OCIAD1: variants seen among roughly 807,000 people sequenced by gnomAD.
The protein encoded by OCIAD1 is OCIA domain-containing protein 1.
A neutral mutation model predicts 38.9 loss-of-function variants in OCIAD1; 29 were observed. The ratio of observed to expected loss-of-function variants is 0.74; its 90% CI spans 0.55 to 1.02. The LOEUF is 1.02. OCIAD1 is among the 50% of genes least tolerant of loss of function. The pLI, the probability that OCIAD1 is intolerant of heterozygous loss-of-function variation, is 0.00. For missense variants in OCIAD1, 288 were observed against 289.6 expected (o/e 0.99, Z 0.04); for synonymous variants, 110 against 92.0 (o/e 1.20, Z -1.12).
At chr4:48,808,544 C>T (rs562038500) in intron 1 of OCIAD1, among the ~76,000 whole-genome samples, 1 of 152,148 alleles carries the variant, frequency 6.6e-6, no homozygotes, top group Admixed American at 6.5e-5. Flanking sequence ...GGGCTGCTCC[C>T]TTATTAATGG....
intron 8 of OCIAD1, among the ~76,000 whole-genome samples, chr4:48,858,100 A>T (rs553301146): frequency 1.3e-5 from 2 of 152,184 alleles, no homozygotes; most frequent in East Asian, 3.9e-4. Context: ...GTTGCAGTGA[A>T]CCGACATCAC....
intron 1 of OCIAD1, among the ~76,000 whole-genome samples, chr4:48,813,668 A>G (rs374477158): frequency 3.3e-5 from 5 of 152,220 alleles, no homozygotes; most frequent in Admixed American, 6.5e-5. Flanking sequence ...AGGGGAAACA[A>G]ACAAACAAAA....
intron 7 of OCIAD1, 196 bp downstream of exon 7, chr4:48,852,171 T>G (rs1779543446): frequency 6.5e-6 from 3 of 463,404 alleles, no homozygotes; most frequent in Non-Finnish European, 7.6e-6. Context: ...AGGACTCTGC[T>G]AGACGTGGAA....
At chr4:48,818,062 C>T (rs574289079) in intron 1 of OCIAD1, among the ~76,000 whole-genome samples, 60 of 152,304 alleles carry the variant, frequency 3.9e-4, no homozygotes, top group African/African-American at 1.4e-3. Context: ...GCGCAGTGCA[C>T]CAGCTCTTCT....
In OCIAD1 at chr4:48,842,638, G is replaced by A. The variant is rs751000568; in HGVS notation, c.142G>A (p.Val48Met). Residue 48 changes from valine (V) to methionine (M), a missense_variant and splice_region_variant, in exon 4 of 9, where the codon GTG becomes ATG. Physicochemically the swap from Val to Met is conservative, Grantham distance 21 (BLOSUM62 1). Coordinates refer to ENST00000264312, the MANE Select transcript of OCIAD1 (RefSeq NM_017830.4). ...ACAAGGTCTTTTTCTTCCTATAGCT[G>A]TGCCTTTGGCTGCAACAAGTATGTT... ...CNDESFWFRS[V>M]PLAATSMLIT... 14 of 1,567,290 alleles carry A rather than the reference G, an allele frequency of 8.9e-6. No homozygotes were observed. The highest frequency in any genetic ancestry group is 1.1e-5 in the Non-Finnish European group (13 of 1,157,842).
At chr4:48,850,312 A>G (rs550817176) in intron 6 of OCIAD1, among the ~76,000 whole-genome samples, 4 of 152,312 alleles carry the variant, frequency 2.6e-5, no homozygotes, top group Admixed American at 1.3e-4. Context: ...AGGCTGGAGT[A>G]CAATGGCATG....
intron 1 of OCIAD1, among the ~76,000 whole-genome samples, chr4:48,818,534 C>T (rs1299830996): frequency 6.6e-6 from 1 of 152,200 alleles, no homozygotes; most frequent in East Asian, 1.9e-4. Context: ...ATGATCTCTA[C>T]TCCTCTCCAG....
intron 3 of OCIAD1, 82 bp downstream of exon 3, chr4:48,833,563 A>G: frequency 1.2e-6 from 1 of 856,070 alleles, no homozygotes; most frequent in Non-Finnish European, 1.9e-6. Flanking sequence ...CTGAAATTAT[A>G]ATAACTCCGT....
intron 7 of OCIAD1, among the ~76,000 whole-genome samples, chr4:48,852,692 T>G (rs1398124500): frequency 1.3e-5 from 2 of 152,142 alleles, no homozygotes; most frequent in Admixed American, 6.5e-5. Flanking sequence ...CTTAATGAAC[T>G]GTTGGAATTA....
chr4:48,854,257 A>G (rs1246948934), intron 7 of OCIAD1, among the ~76,000 whole-genome samples: 2 of 152,222 alleles, frequency 1.3e-5, no homozygotes, highest in Non-Finnish European at 2.9e-5. Flanking sequence ...ACTAACAGGC[A>G]TGTAGTGTAG....
At chr4:48,819,746 G>GAAAAAAAAA (rs1777175091) in intron 1 of OCIAD1, among the ~76,000 whole-genome samples, 1 of 19,394 alleles carries the variant, frequency 5.2e-5, no homozygotes, top group East Asian at 2.0e-3. Context: ...AAAAAAAAAG[G>GAAAAAAAAA]AGGGGTTGCA....
chr4:48,850,394 G>A (rs970355538), intron 6 of OCIAD1, among the ~76,000 whole-genome samples: 2 of 152,074 alleles, frequency 1.3e-5, no homozygotes, highest in African/African-American at 4.8e-5. Context: ...TGAGTAGCTA[G>A]GAATACAGGT....
At chr4:48,855,728 A>G (rs1460857978) in intron 7 of OCIAD1, among the ~76,000 whole-genome samples, 1 of 152,016 alleles carries the variant, frequency 6.6e-6, no homozygotes, top group Non-Finnish European at 1.5e-5. Flanking sequence ...AGGCAGGACA[A>G]TCACTGGAAC....
intron 4 of OCIAD1, 40 bp downstream of exon 4, chr4:48,842,729 A>G (rs765037752): frequency 2.7e-6 from 3 of 1,112,580 alleles, no homozygotes; most frequent in South Asian, 2.9e-5. Flanking sequence ...CATTTTGGAT[A>G]CCATGTTTGT....
chr4:48,858,628 T>C (rs571612204), intron 8 of OCIAD1, among the ~76,000 whole-genome samples: 1 of 152,164 alleles, frequency 6.6e-6, no homozygotes, highest in South Asian at 2.1e-4. Flanking sequence ...TGTTAAAAAT[T>C]TTTTTTGGTG....
chr4:48,828,154 A>T (rs539143840), upstream of OCIAD1, among the ~76,000 whole-genome samples: 5 of 148,268 alleles, frequency 3.4e-5, no homozygotes, highest in Non-Finnish European at 7.5e-5. Context: ...TCAGCACCCT[A>T]TGTCTAGCTC....
chr4:48,833,499 A>G lies in OCIAD1; in HGVS notation c.139+18A>G, dbSNP rs1380756765. 6.9e-7 allele frequency: 1 copy of G among 1,452,266 alleles called. No individual in the cohort carries two copies. Among genetic ancestry groups the G allele is most frequent in the South Asian group, 1.2e-5 (1 of 82,826 alleles). The allele number at this position is 1,452,266 out of a possible 1,614,324, so 90.0% of individuals were successfully genotyped here. Reference sequence around the variant, plus strand: ...GTTCAGATGTGAGTTCAATTTTCTAATTAATATAATTTGATCCAAAATTTG... The same window carrying G: ...GTTCAGATGTGAGTTCAATTTTCTAGTTAATATAATTTGATCCAAAATTTG... On this transcript the variant is annotated intron_variant, in intron 3 of 8. Transcript: ENST00000264312.
intron 1 of OCIAD1, among the ~76,000 whole-genome samples, chr4:48,821,235 G>C (rs1268643366): frequency 1.3e-5 from 2 of 152,156 alleles, no homozygotes; most frequent in African/African-American, 2.4e-5. Context: ...GGGATGCAAG[G>C]CTGGTTCAAC....
rs1353250662 is a variant in OCIAD1, at chr4:48,857,365, G to A, written c.700G>A (p.Val234Ile). The A allele has an allele frequency of 4.6e-6, 7 of 1,533,722 alleles. No individual in the cohort carries two copies. The highest frequency in any genetic ancestry group is 2.4e-5 in the East Asian group (1 of 42,294). ...PMHERVPKKE[V>I]KVNKYGDTWD... ...GCATGAAAGAGTGCCAAAAAAAGAA[G>A]GTATGATAGTTTAGTCTGAATCACT... Residue 234 changes from valine (V) to isoleucine (I), a missense_variant and splice_region_variant, in exon 8 of 9, where the codon GTC becomes ATC. Physicochemically the swap from Val to Ile is conservative, Grantham distance 29. Coordinates refer to ENST00000264312, the MANE Select transcript of OCIAD1 (RefSeq NM_017830.4).
Sources: gnomAD v4.1 joint callset for allele counts (sites outside exome capture counted in the v4.1 genomes callset) on GRCh38, gnomAD v4.1.1 for gene constraint, MANE v1.5 for transcripts, NCBI Gene and HGNC (gene_info 2026-07-23, HGNC 2026-07-21) for gene names.